Variants in MACF1 observed in about 807,000 individuals in gnomAD.
MACF1 encodes the protein microtubule actin crosslinking factor 1, also known as microtubule-actin cross-linking factor 1.
Under a neutral mutation model 854.8 loss-of-function variants are expected in MACF1, and 193 were observed. That is an observed-to-expected ratio of 0.23 (90% CI 0.20 to 0.25). The LOEUF is 0.25. Among genes scored for constraint, MACF1 ranks in the 10% least tolerant of loss-of-function variants. The pLI, the probability that MACF1 is intolerant of heterozygous loss-of-function variation, is 1.00. For missense variants in MACF1, 7,722 were observed against 8,929.1 expected, an observed-to-expected ratio of 0.86 and a Z score of 5.45; for synonymous variants, 3,185 against 3,226.7, an observed-to-expected ratio of 0.99 and a Z score of 0.44.
At chr1:39,298,600 G>A (rs1233400064) in intron 21 of MACF1, 1 of 419,264 alleles carries the variant, frequency 2.4e-6, no homozygotes, top group East Asian at 7.1e-5. Flanking sequence ...CATTTTTTTT[G>A]TCGGTAAAAT....
In MACF1 at chr1:39,387,611, A is replaced by T; in HGVS notation, c.14769A>T (p.Lys4923Asn). ...TTGTGCCATGGATAGAAGATTGTAA[A>T]GCTAAGATGTCTGAGTTGCGAGTCA... ...EDLVPWIEDC[K>N]AKMSELRVTL... The change falls in exon 58 of 101, where the codon AAA (lysine) becomes AAT (asparagine). Residue 4923 changes from lysine to asparagine, a missense_variant. Physicochemically the swap from Lys to Asn is moderately conservative, Grantham distance 94. Transcript: ENST00000564288. 6.2e-7 allele frequency: 1 copy of T among 1,614,174 alleles called. No individual in the cohort carries two copies. The highest frequency in any genetic ancestry group is 8.5e-7 in the Non-Finnish European group (1 of 1,180,034).
chr1:39,200,876 A>G (rs1343381655), upstream of MACF1, among the ~76,000 whole-genome samples: 2 of 152,118 alleles, frequency 1.3e-5, no homozygotes, highest in Non-Finnish European at 2.9e-5. Context: ...GGAGTTTGAG[A>G]CCAGCCTGGG....
At chr1:39,309,781 TC>T in intron 24 of MACF1, 85 bp downstream of exon 24, 1 of 1,459,594 alleles carries the variant, frequency 6.9e-7, no homozygotes, top group Non-Finnish European at 9.3e-7. Flanking sequence ...GTGAGACTTT[TC>T]CCCACCCAAA....
At chr1:39,441,911 C>A (rs756502486) in intron 74 of MACF1, 41 bp from the exon 75 acceptor site, 42 of 1,451,170 alleles carry the variant, frequency 2.9e-5, no homozygotes, top group Non-Finnish European at 4.0e-5. Context: ...CTCCCAAATT[C>A]TTCTGGTTGT....
chr1:39,252,976 C>T (rs573894735), intron 4 of MACF1, among the ~76,000 whole-genome samples: 2 of 152,220 alleles, frequency 1.3e-5, no homozygotes, highest in East Asian at 1.9e-4. Flanking sequence ...TGCAGACACC[C>T]GCAACAGAGC....
Position 39,388,263 on chromosome 1 carries a change from G to A in MACF1, c.15421G>A (p.Glu5141Lys). 1 of 1,614,204 alleles carries A rather than the reference G, an allele frequency of 6.2e-7. No individual in the cohort carries two copies. Among genetic ancestry groups the A allele is most frequent in the Non-Finnish European group, 8.5e-7 (1 of 1,180,036 alleles). The change falls in exon 58 of 101, where the codon GAG (glutamate) becomes AAG (lysine). Residue 5141 changes from glutamate to lysine, a missense_variant. Physicochemically the swap from Glu to Lys is moderately conservative, Grantham distance 56. Coordinates refer to ENST00000564288, the MANE Select transcript of MACF1 (RefSeq NM_001394062.1). ...CTCTCAATTGGCAGACCTGGATGATGAGCTAGATGGCATGGGTGCTATTGG... is the reference window on the plus strand; with the variant it reads ...CTCTCAATTGGCAGACCTGGATGATAAGCTAGATGGCATGGGTGCTATTGG... ...MFSQLADLDDELDGMGAIGRD... is the reference protein window; with the variant it reads ...MFSQLADLDDKLDGMGAIGRD...
chr1:39,273,123 CTA>C (rs1645358092), intron 6 of MACF1, among the ~76,000 whole-genome samples: 1 of 149,818 alleles, frequency 6.7e-6, no homozygotes, highest in Non-Finnish European at 1.5e-5. Flanking sequence ...GCATTTACCT[CTA>C]TACCAATTTT....
intron 38 of MACF1, among the ~76,000 whole-genome samples, chr1:39,340,089 T>A (rs74066751): frequency 2.8e-4 from 43 of 152,176 alleles, no homozygotes; most frequent in Admixed American, 7.2e-4. Flanking sequence ...AGTCATCCGT[T>A]CGGTTTATTT....
chr1:39,182,536 G>A (rs1050860083), intron 2 of MACF1, among the ~76,000 whole-genome samples: 10 of 152,038 alleles, frequency 6.6e-5, no homozygotes, highest in Non-Finnish European at 1.5e-4. Flanking sequence ...ATAAAAAAAT[G>A]GGCAAAGGAT....
At chr1:39,403,839 GGC>G (rs757422901) in intron 58 of MACF1, among the ~76,000 whole-genome samples, 7,629 of 134,822 alleles carry the variant, frequency 0.057, 536 homozygotes, top group African/African-American at 0.2. Flanking sequence ...AAAATTTTTG[GGC>G]GGGGGGGCCG....
chr1:39,141,464 G>C (rs1224317756), intron 2 of MACF1, among the ~76,000 whole-genome samples: 1 of 152,158 alleles, frequency 6.6e-6, no homozygotes, highest in Non-Finnish European at 1.5e-5. Context: ...TTGAATCTCA[G>C]CTCTGCCATT....
chr1:39,256,614 G>C (rs989903153), intron 5 of MACF1, among the ~76,000 whole-genome samples: 3 of 152,108 alleles, frequency 2.0e-5, no homozygotes, highest in African/African-American at 4.8e-5. Flanking sequence ...GTAGAAGTAG[G>C]GTGGTTTGCC....
intron 35 of MACF1, among the ~76,000 whole-genome samples, chr1:39,326,721 G>GC (rs1159555088): frequency 3.3e-5 from 5 of 149,366 alleles, no homozygotes; most frequent in Admixed American, 3.3e-4. Flanking sequence ...AAAAGAAAAG[G>GC]CCCTAAAGCA....
At chr1:39,339,121 G>T (rs1297868920) in intron 38 of MACF1, among the ~76,000 whole-genome samples, 1 of 152,076 alleles carries the variant, frequency 6.6e-6, no homozygotes, top group Non-Finnish European at 1.5e-5. Flanking sequence ...CAAGCCTGGT[G>T]GTATACACCC....
rs535658903 is a variant in MACF1, at chr1:39,416,984, A to G, written c.15817-5390A>G. Reference sequence around the variant, plus strand: ...GCTAAATTGGTGAAATATTATTTTAAAAGGTTTTTCCAAGATGAGAGGTTA... The same window carrying G: ...GCTAAATTGGTGAAATATTATTTTAGAAGGTTTTTCCAAGATGAGAGGTTA... On this transcript the variant is annotated intron_variant, in intron 58 of 100. Transcript: ENST00000564288. Among the ~76,000 whole-genome samples, 217 of 152,380 alleles carry G rather than the reference A, an allele frequency of 1.4e-3. 2 individuals carry two copies. Among genetic ancestry groups the G allele is most frequent in the African/African-American group, 5.0e-3 (208 of 41,588 alleles).
chr1:39,275,435 C>T (rs750266646), intron 6 of MACF1, among the ~76,000 whole-genome samples: 1 of 151,918 alleles, frequency 6.6e-6, no homozygotes, highest in Non-Finnish European at 1.5e-5. Flanking sequence ...AGAGCAGTGG[C>T]GATTCACAGG....
In MACF1 at chr1:39,324,627, C is replaced by T; in HGVS notation, c.4390-19C>T. On this transcript the variant is annotated intron_variant, in intron 34 of 100. Transcript: ENST00000564288. ...ATTCTTGGGTTTTGAAGCTTTTTCT[C>T]TTTATTTCTACCATGTAGGTTCTGT... 6.3e-7 allele frequency: 1 copy of T among 1,579,976 alleles called. No individual in the cohort carries two copies. The highest frequency in any genetic ancestry group is 8.6e-7 in the Non-Finnish European group (1 of 1,164,336).
chr1:39,440,917 T>A, intron 72 of MACF1, 86 bp from the exon 73 acceptor site: 1 of 1,370,844 alleles, frequency 7.3e-7, no homozygotes, highest in Non-Finnish European at 1.0e-6. Flanking sequence ...CATCTGCTAT[T>A]GATGGGGTAT....
At position 39,292,764 on chromosome 1, in the gene MACF1, A is replaced by T. The variant is rs1231365811; in HGVS notation, c.1915-2A>T. The T allele has an allele frequency of 6.2e-7, 1 of 1,603,084 alleles. No individual in the cohort carries two copies. Among genetic ancestry groups the T allele is most frequent in the Non-Finnish European group, 8.5e-7 (1 of 1,172,410 alleles). ...ATTTTTATTTCATTCTTTTTTAATC[A>T]GGGAAAGATGTCCCAGAATTTCCAT... On this transcript the variant is annotated splice_acceptor_variant, in intron 16 of 100. Transcript: ENST00000564288. LOFTEE classifies it high-confidence loss of function.
Sources: allele counts gnomAD v4.1 joint callset (sites outside exome capture counted in the v4.1 genomes callset), GRCh38; gene constraint gnomAD v4.1.1; transcripts MANE v1.5; gene names NCBI Gene and HGNC (gene_info 2026-07-23, HGNC 2026-07-21).